The following SMAGP variants were observed in gnomAD, a reference collection of about 807,000 sequenced individuals.
SMAGP encodes the protein small cell adhesion glycoprotein.
In SMAGP, 7 loss-of-function variants were observed where a neutral mutation model predicts 10.1. The ratio of observed to expected loss-of-function variants is 0.70; its 90% CI spans 0.40 to 1.31. SMAGP has a LOEUF of 1.31. Among genes scored for constraint, SMAGP ranks in the 50% most tolerant of loss-of-function variants. The probability of loss-of-function intolerance (pLI) is 0.01; values close to 1 mark genes in which losing one functional copy is unlikely to be tolerated. For synonymous variants in SMAGP, 49 were observed against 47.2 expected (o/e 1.04, Z -0.16); for missense variants, 113 against 116.5 (o/e 0.97, Z 0.14).
At chr12:51,268,376 C>G (rs1486161020) in intron 2 of SMAGP, among the ~76,000 whole-genome samples, 1 of 151,756 alleles carries the variant, frequency 6.6e-6, no homozygotes. Context: ...ATGATGAAAC[C>G]GGAGCTTAGA....
At chr12:51,252,991 T>G (rs1205852980) in intron 2 of SMAGP, among the ~76,000 whole-genome samples, 1 of 151,896 alleles carries the variant, frequency 6.6e-6, no homozygotes, top group Non-Finnish European at 1.5e-5. Flanking sequence ...TTTCTGTTGG[T>G]GACATAGGAG....
intron 2 of SMAGP, among the ~76,000 whole-genome samples, chr12:51,256,120 T>A (rs1944882655): frequency 6.6e-6 from 1 of 151,870 alleles, no homozygotes; most frequent in African/African-American, 2.4e-5. Context: ...AGCAGCTCAG[T>A]GAGAAAGTGG....
chr12:51,268,195 C>T (rs1944993585), intron 2 of SMAGP, among the ~76,000 whole-genome samples: 1 of 152,090 alleles, frequency 6.6e-6, no homozygotes, highest in Non-Finnish European at 1.5e-5. Context: ...ATGAGAAAGC[C>T]AGCAAAATCA....
chr12:51,266,041 T>C (rs550820793), intron 2 of SMAGP, among the ~76,000 whole-genome samples: 6 of 151,414 alleles, frequency 4.0e-5, no homozygotes, highest in South Asian at 4.2e-4. Context: ...GAGATGGCGC[T>C]ACTGCACTCC....
chr12:51,249,887 G>A, intron 2 of SMAGP, among the ~76,000 whole-genome samples: 1 of 151,946 alleles, frequency 6.6e-6, no homozygotes, highest in African/African-American at 2.4e-5. Context: ...AAAGTGCTGG[G>A]ATTACAGGTG....
At chr12:51,248,434 ACT>A (rs56012746) in intron 2 of SMAGP, among the ~76,000 whole-genome samples, 10,873 of 76,154 alleles carry the variant, frequency 0.14, 407 homozygotes, top group Non-Finnish European at 0.17. Flanking sequence ...ACACACACAC[ACT>A]CTCTCTCTCT....
At chr12:51,248,900 CAAAAAAAAAAA>C (rs545881552) in intron 2 of SMAGP, among the ~76,000 whole-genome samples, 1,470 of 95,672 alleles carry the variant, frequency 0.015, 33 homozygotes, top group African/African-American at 0.063. Context: ...AAAAATACCA[CAAAAAAAAAAA>C]AAAAAAAAAA....
At chr12:51,254,841 AG>A (rs1944872014) in intron 2 of SMAGP, among the ~76,000 whole-genome samples, 1 of 152,178 alleles carries the variant, frequency 6.6e-6, no homozygotes, top group Non-Finnish European at 1.5e-5. Context: ...CCCCGGGGCC[AG>A]GCATGCTTGG....
chr12:51,267,112 T>C (rs1944981208), intron 2 of SMAGP, among the ~76,000 whole-genome samples: 1 of 152,032 alleles, frequency 6.6e-6, no homozygotes, highest in African/African-American at 2.4e-5. Flanking sequence ...CAAGACTTGG[T>C]CTCAAAAATA....
chr12:51,268,343 G>A (rs960472346), intron 2 of SMAGP, among the ~76,000 whole-genome samples: 2 of 151,854 alleles, frequency 1.3e-5, no homozygotes, highest in Non-Finnish European at 2.9e-5. Context: ...CATAAGATAG[G>A]TACTATTTTC....
At chr12:51,268,824 G>T (rs918045975) in intron 2 of SMAGP, among the ~76,000 whole-genome samples, 10 of 151,946 alleles carry the variant, frequency 6.6e-5, no homozygotes, top group African/African-American at 1.9e-4. Flanking sequence ...GACCTCAGAT[G>T]ATCCGCCCAC....
chr12:51,269,947 C>T (rs534720290), intron 1 of SMAGP: 1 of 152,072 alleles, frequency 6.6e-6, no homozygotes, highest in Non-Finnish European at 1.5e-5. Flanking sequence ...GCCCCGCGCC[C>T]CGGAGATCCT....
At position 51,268,583 on chromosome 12, in the gene SMAGP, C is replaced by T. The variant is rs546474407; in HGVS notation, c.34+662G>A. 4.2e-3 allele frequency among the ~76,000 whole-genome samples: 433 copies of T among 103,598 alleles called. 3 individuals are homozygous for T. The highest frequency in any genetic ancestry group is 0.014 in the African/African-American group (417 of 30,590). 68.0% of individuals were successfully genotyped at this position (103,598 alleles called of 152,430 possible). On this transcript the variant is annotated intron_variant, in intron 2 of 3. Coordinates refer to ENST00000603798, the MANE Select transcript of SMAGP (RefSeq NM_001031628.2). ...CTTCCTTCCTTCCTTCCTTCCTTTC[C>T]TTTCCTCCCTCCCTTCCTATTTTTT...
intron 2 of SMAGP, among the ~76,000 whole-genome samples, chr12:51,267,490 C>G (rs1944986013): frequency 8.4e-6 from 1 of 119,326 alleles, no homozygotes; most frequent in African/African-American, 2.8e-5. Flanking sequence ...CCGTGTCCCC[C>G]TAACTCTTTT....
rs139345429 is a variant in SMAGP at position 51,261,126 on chromosome 12, C to T, written c.34+8119G>A. ...TTTTTTTTTTTCTGAGACGGAGTCT[C>T]ACTCTGTCACCTGGGCTGGAGTGCA... On this transcript the variant is annotated intron_variant, in intron 2 of 3. Transcript: ENST00000603798. Among the ~76,000 whole-genome samples the T allele has an allele frequency of 4.4e-3, 605 of 136,106 alleles. 8 individuals carry two copies. The highest frequency in any genetic ancestry group is 0.015 in the African/African-American group (564 of 36,404). The allele number at this position is 136,106 out of a possible 152,430, so 89.3% of individuals were successfully genotyped here. A position where few individuals can be genotyped will look rare whatever the true frequency, so the allele number is the denominator to read the frequency against.
At chr12:51,261,621 A>G (rs960986421) in intron 2 of SMAGP, among the ~76,000 whole-genome samples, 1 of 152,190 alleles carries the variant, frequency 6.6e-6, no homozygotes, top group Non-Finnish European at 1.5e-5. Flanking sequence ...TCTTGGAGAG[A>G]GAATTCTAGG....
At chr12:51,270,033 C>G (rs543554531) in intron 1 of SMAGP, 1 of 151,778 alleles carries the variant, frequency 6.6e-6, no homozygotes, top group Non-Finnish European at 1.5e-5. Context: ...CCCGTCCCCG[C>G]CCCCGCCCCG....
chr12:51,248,434 A>ACACACACT (rs1188710796), intron 2 of SMAGP, among the ~76,000 whole-genome samples: 2 of 77,468 alleles, frequency 2.6e-5, no homozygotes, highest in African/African-American at 5.1e-5. Context: ...ACACACACAC[A>ACACACACT]CTCTCTCTCT....
At chr12:51,251,226 G>A (rs1368848682) in intron 2 of SMAGP, among the ~76,000 whole-genome samples, 1 of 152,018 alleles carries the variant, frequency 6.6e-6, no homozygotes, top group African/African-American at 2.4e-5. Context: ...TTGAGGCCAG[G>A]AGTTTGAGAC....
Sources: gnomAD v4.1 joint callset for allele counts (sites outside exome capture counted in the v4.1 genomes callset) on GRCh38, gnomAD v4.1.1 for gene constraint, MANE v1.5 for transcripts, NCBI Gene and HGNC (gene_info 2026-07-23, HGNC 2026-07-21) for gene names.